Variants in CDYL observed in about 807,000 individuals in gnomAD.
CDYL encodes the protein chromodomain Y like, also known as chromodomain Y-like protein.
CDYL carries 8 observed loss-of-function variants against 47.3 expected under a neutral mutation model. That is an observed-to-expected ratio of 0.17 (90% CI 0.10 to 0.31). CDYL has a LOEUF of 0.31. Among genes scored for constraint, CDYL ranks in the 10% least tolerant of loss-of-function variants. The pLI is 1.00. For synonymous variants in CDYL, 266 were observed against 265.0 expected (o/e 1.00, Z -0.04); for missense variants, 471 against 701.4 (o/e 0.67, Z 3.71).
chr6:4,717,740 A>AAAAAAAAAAAAAT (rs1491395482), intron 2 of CDYL, among the ~76,000 whole-genome samples: 4 of 118,824 alleles, frequency 3.4e-5, no homozygotes, highest in African/African-American at 1.0e-4. Context: ...AAAAAAAAAA[A>AAAAAAAAAAAAAT]TTAAAAATTG....
chr6:4,730,674 CAAAAAAAAAAA>C (rs56956798), intron 2 of CDYL, among the ~76,000 whole-genome samples: 2 of 60,452 alleles, frequency 3.3e-5, no homozygotes, highest in African/African-American at 4.8e-5. Flanking sequence ...AATTCCATCT[CAAAAAAAAAAA>C]AAAAAAAAAA....
intron 1 of CDYL, among the ~76,000 whole-genome samples, chr6:4,804,566 T>C (rs1199910603): frequency 6.6e-6 from 1 of 152,216 alleles, no homozygotes; most frequent in East Asian, 1.9e-4. Context: ...TAGGAAACGA[T>C]GGCCTTGGAG....
chr6:4,900,435 T>TA (rs1756989406), intron 2 of CDYL, among the ~76,000 whole-genome samples: 1 of 152,144 alleles, frequency 6.6e-6, no homozygotes, highest in Non-Finnish European at 1.5e-5. Context: ...CTCCCCCATA[T>TA]ATGTTTATAC....
chr6:4,751,475 C>T (rs1046425460), intron 3 of CDYL, among the ~76,000 whole-genome samples: 4 of 152,226 alleles, frequency 2.6e-5, no homozygotes, highest in Non-Finnish European at 5.9e-5. Flanking sequence ...ACCTTTCCTA[C>T]TTTGCTCTTC....
chr6:4,722,189 G>A (rs913427333), intron 2 of CDYL, among the ~76,000 whole-genome samples: 5 of 152,144 alleles, frequency 3.3e-5, no homozygotes, highest in African/African-American at 9.7e-5. Context: ...TCAGAGGCCA[G>A]GCACAGTAGC....
Position 4,753,068 on chromosome 6 carries a change from C to G in CDYL, c.186+18224C>G, listed in dbSNP as rs538186649. Among the ~76,000 whole-genome samples, 9 of 152,146 alleles carry G rather than the reference C, an allele frequency of 5.9e-5. No individual in the cohort carries two copies. In the South Asian group the frequency reaches 1.7e-3, roughly 28 times the overall value. On this transcript the variant is annotated intron_variant, in intron 3 of 8. Coordinates refer to the CDYL transcript ENST00000328908. ...GAGTAGCTGGGACCACAGGTGTGCA[C>G]CACCATGCCCGGCTAATCCTTCTGG...
chr6:4,948,549 G>A (rs1195525163), intron 5 of CDYL, among the ~76,000 whole-genome samples: 5 of 152,098 alleles, frequency 3.3e-5, no homozygotes, highest in African/African-American at 1.2e-4. Context: ...CCTCACCCCT[G>A]GGGAACAATG....
chr6:4,884,525 G>T (rs574306667), intron 1 of CDYL, among the ~76,000 whole-genome samples: 86 of 152,338 alleles, frequency 5.6e-4, no homozygotes, highest in African/African-American at 2.0e-3. Flanking sequence ...CTTGTTGGGA[G>T]AGAGTTCTCC....
intron 1 of CDYL, among the ~76,000 whole-genome samples, chr6:4,827,931 A>T (rs1581194071): frequency 6.6e-6 from 1 of 152,254 alleles, no homozygotes; most frequent in Non-Finnish European, 1.5e-5. Flanking sequence ...TTGGAATTAC[A>T]GGCGGGAGCC....
intron 2 of CDYL, among the ~76,000 whole-genome samples, chr6:4,894,416 C>T (rs1481467715): frequency 6.6e-6 from 1 of 151,974 alleles, no homozygotes; most frequent in Non-Finnish European, 1.5e-5. Context: ...TTTTGTATGA[C>T]CTGCAAGCTC....
intron 1 of CDYL, among the ~76,000 whole-genome samples, chr6:4,825,120 C>G (rs938688082): frequency 3.9e-5 from 6 of 152,292 alleles, no homozygotes; most frequent in African/African-American, 1.2e-4. Flanking sequence ...ATCCGCCAGC[C>G]TCGGCCTCCC....
intron 3 of CDYL, among the ~76,000 whole-genome samples, chr6:4,754,882 G>A (rs1023168675): frequency 2.6e-5 from 4 of 152,146 alleles, no homozygotes; most frequent in Non-Finnish European, 5.9e-5. Context: ...ACTCTGAAAT[G>A]TAAGTAATAC....
intron 1 of CDYL, among the ~76,000 whole-genome samples, chr6:4,835,175 C>T (rs1049831186): frequency 6.6e-6 from 1 of 152,166 alleles, no homozygotes; most frequent in East Asian, 1.9e-4. Flanking sequence ...AGTTTTTGTG[C>T]TCTGTTTTTT....
At chr6:4,786,186 A>T (rs370803055) in intron 1 of CDYL, among the ~76,000 whole-genome samples, 17 of 152,314 alleles carry the variant, frequency 1.1e-4, no homozygotes, top group African/African-American at 3.8e-4. Flanking sequence ...GGCCTTTGCA[A>T]GCCTGACCTG....
At chr6:4,842,795 T>TA (rs1760539985) in intron 1 of CDYL, among the ~76,000 whole-genome samples, 1 of 152,220 alleles carries the variant, frequency 6.6e-6, no homozygotes, top group African/African-American at 2.4e-5. Context: ...GTGCTATGAA[T>TA]ACACAACATG....
intron 5 of CDYL, among the ~76,000 whole-genome samples, chr6:4,948,598 C>T (rs1196890567): frequency 6.6e-6 from 1 of 152,138 alleles, no homozygotes; most frequent in African/African-American, 2.4e-5. Flanking sequence ...AGGAGATGGC[C>T]GTTAGCAGAG....
rs145782993 is a variant in CDYL, at chr6:4,736,078, C to A, written c.186+1234C>A. Among the ~76,000 whole-genome samples, 922 of 152,280 alleles carry A rather than the reference C, an allele frequency of 6.1e-3. 6 individuals carry two copies. The highest frequency in any genetic ancestry group is 0.019 in the South Asian group (92 of 4,816). On this transcript the variant is annotated intron_variant, in intron 3 of 8. Transcript: ENST00000328908. ...GCCCTCCTGTTTCCCACTCCCCCAGCCCCTGTCAACCATCATTCTGCTCTT... is the reference window on the plus strand; with the variant it reads ...GCCCTCCTGTTTCCCACTCCCCCAGACCCTGTCAACCATCATTCTGCTCTT...
At chr6:4,821,805 G>A (rs1328735684) in intron 1 of CDYL, among the ~76,000 whole-genome samples, 2 of 151,606 alleles carry the variant, frequency 1.3e-5, no homozygotes, top group African/African-American at 4.8e-5. Flanking sequence ...CAGATTTAAA[G>A]CATGCTCCTT....
chr6:4,868,330 A>C (rs1393513012), intron 1 of CDYL, among the ~76,000 whole-genome samples: 7 of 151,758 alleles, frequency 4.6e-5, no homozygotes, highest in Admixed American at 3.9e-4. Context: ...AATACTTTCT[A>C]ATTTTCCCTA....
Sources: allele counts gnomAD v4.1 joint callset (sites outside exome capture counted in the v4.1 genomes callset), GRCh38; gene constraint gnomAD v4.1.1; transcripts MANE v1.5; gene names NCBI Gene and HGNC (gene_info 2026-07-23, HGNC 2026-07-21).